MSI2: variants seen among roughly 807,000 people sequenced by gnomAD.
MSI2 encodes RNA-binding protein Musashi homolog 2.
Under a neutral mutation model 45.6 loss-of-function variants are expected in MSI2, and 17 were observed. That is an observed-to-expected ratio of 0.37 (90% CI 0.26 to 0.56). MSI2 has a LOEUF of 0.56. Ranked by LOEUF, MSI2 falls within the 20% of genes least tolerant of loss-of-function variation. MSI2 has a pLI of 0.77. For synonymous variants in MSI2, 156 were observed against 158.2 expected (o/e 0.99, Z 0.11); for missense variants, 293 against 444.2 (o/e 0.66, Z 3.06).
At position 57,443,629 on chromosome 17, in the gene MSI2, G is replaced by C. The variant is rs561822527; in HGVS notation, c.405+42158G>C. Among the ~76,000 whole-genome samples the C allele has an allele frequency of 5.3e-5, 8 of 152,268 alleles. 1 individual carries two copies. Among genetic ancestry groups the C allele is most frequent in the African/African-American group, 2.4e-5 (1 of 41,558 alleles). On this transcript the variant is annotated intron_variant, in intron 6 of 13. Coordinates refer to ENST00000284073, the MANE Select transcript of MSI2 (RefSeq NM_138962.4). ...CGAAGAGCAAGTTAGGGGCTGAGCT[G>C]ACACGTAAAACCCCATCTCCTCCCT...
At chr17:57,436,562 G>A (rs1216839601) in intron 6 of MSI2, among the ~76,000 whole-genome samples, 1 of 152,208 alleles carries the variant, frequency 6.6e-6, no homozygotes, top group Non-Finnish European at 1.5e-5. Context: ...AGTGTTAGAA[G>A]GCATGGGAAA....
intron 5 of MSI2, among the ~76,000 whole-genome samples, chr17:57,319,745 T>C (rs1433794643): frequency 2.6e-5 from 4 of 152,182 alleles, no homozygotes; most frequent in Non-Finnish European, 5.9e-5. Flanking sequence ...CCCTAGTAGC[T>C]GGGACCATAG....
chr17:57,345,172 G>A (rs1050850705), intron 5 of MSI2, among the ~76,000 whole-genome samples: 3 of 152,174 alleles, frequency 2.0e-5, no homozygotes, highest in South Asian at 2.1e-4. Flanking sequence ...TAGTTCAACC[G>A]TGTGTTCCTC....
chr17:57,361,606 CAAA>C (rs34432170), intron 5 of MSI2, among the ~76,000 whole-genome samples: 22 of 71,734 alleles, frequency 3.1e-4, no homozygotes, highest in South Asian at 1.0e-3. Context: ...GACCTTGTCT[CAAA>C]AAAAAAAAAA....
chr17:57,626,911 C>T (rs1908857506), intron 9 of MSI2: 2 of 445,620 alleles, frequency 4.5e-6, no homozygotes, highest in Non-Finnish European at 8.1e-6. Flanking sequence ...AGGGTAAGCT[C>T]TCCAAATGTC....
chr17:57,404,980 A>G (rs2084056516), intron 6 of MSI2, among the ~76,000 whole-genome samples: 1 of 152,064 alleles, frequency 6.6e-6, no homozygotes, highest in South Asian at 2.1e-4. Flanking sequence ...GTTAACAGCT[A>G]ACAGGTTGGC....
chr17:57,434,225 A>G (rs11653026), intron 6 of MSI2, among the ~76,000 whole-genome samples: 33,910 of 151,906 alleles, frequency 0.22, 4,091 homozygotes, highest in South Asian at 0.3. Flanking sequence ...TCAGCCTCAC[A>G]AGTAGCTGGC....
chr17:57,540,664 G>A (rs1469282788), intron 7 of MSI2, among the ~76,000 whole-genome samples: 1 of 152,160 alleles, frequency 6.6e-6, no homozygotes, highest in Non-Finnish European at 1.5e-5. Context: ...TCAGAGGCAG[G>A]GACAGGGGCA....
Position 57,256,661 on chromosome 17 carries a change from G to C in MSI2, c.-82G>C. ...AGGGGGAGGAGGGAGCGGAGATCTC[G>C]GGGCTCGGAGCCGGCCGCCGCTCCG... On this transcript the variant is annotated 5_prime_UTR_variant, in exon 1 of 14. Coordinates refer to ENST00000284073, the MANE Select transcript of MSI2 (RefSeq NM_138962.4). The C allele has an allele frequency of 1.7e-6, 1 of 574,664 alleles. No homozygotes were observed. The highest frequency in any genetic ancestry group is 2.7e-6 in the Non-Finnish European group (1 of 365,974). The allele number at this position is 574,664 out of a possible 1,614,324, so 35.6% of individuals were successfully genotyped here. A position where few individuals can be genotyped will look rare whatever the true frequency, so the allele number is the denominator to read the frequency against.
At chr17:57,654,750 A>ACCTACCTTG (rs1371620298) in intron 11 of MSI2, among the ~76,000 whole-genome samples, 1 of 152,134 alleles carries the variant, frequency 6.6e-6, no homozygotes, top group South Asian at 2.1e-4. Flanking sequence ...TCTGTTGAGT[A>ACCTACCTTG]CCTACCTTGA....
In MSI2 at chr17:57,563,767, C is replaced by T. The variant is rs548746304; in HGVS notation, c.455-33101C>T. 7.3e-5 allele frequency among the ~76,000 whole-genome samples: 11 copies of T among 151,406 alleles called. No individual in the cohort carries two copies. In the South Asian group the frequency reaches 1.9e-3, roughly 26 times the overall value. ...GCGCGCACACACACACACACACACA[C>T]ACACACACACACACACATAGGCCTC... On this transcript the variant is annotated intron_variant, in intron 7 of 13. Coordinates refer to ENST00000284073, the MANE Select transcript of MSI2 (RefSeq NM_138962.4).
intron 7 of MSI2, among the ~76,000 whole-genome samples, chr17:57,564,052 G>T (rs923799976): frequency 6.6e-6 from 1 of 152,160 alleles, no homozygotes; most frequent in Non-Finnish European, 1.5e-5. Flanking sequence ...CCCCCTGCAC[G>T]TGTTTCTCTC....
intron 6 of MSI2, among the ~76,000 whole-genome samples, chr17:57,408,566 AAAG>A (rs2084128134): frequency 6.6e-6 from 1 of 152,212 alleles, no homozygotes; most frequent in South Asian, 2.1e-4. Context: ...CCTTGGGCAC[AAAG>A]GAGTTAATGA....
chr17:57,602,216 T>A (rs2144491551), intron 8 of MSI2, among the ~76,000 whole-genome samples: 1 of 151,424 alleles, frequency 6.6e-6, no homozygotes, highest in South Asian at 2.1e-4. Flanking sequence ...TTTTTTTAAT[T>A]TTTTTTTTTA....
At chr17:57,615,124 ATTTT>A (rs35618682) in intron 8 of MSI2, among the ~76,000 whole-genome samples, 4 of 132,628 alleles carry the variant, frequency 3.0e-5, no homozygotes, top group Non-Finnish European at 3.2e-5. Context: ...TTGCACAAGA[ATTTT>A]TTTTTTTTTT....
At chr17:57,557,382 A>G (rs1006036985) in intron 7 of MSI2, among the ~76,000 whole-genome samples, 13 of 152,226 alleles carry the variant, frequency 8.5e-5, no homozygotes, top group Admixed American at 8.5e-4. Context: ...AGACATCATG[A>G]TGGAGTCTTC....
intron 6 of MSI2, among the ~76,000 whole-genome samples, chr17:57,401,856 T>G (rs2083998047): frequency 6.6e-6 from 1 of 152,164 alleles, no homozygotes; most frequent in South Asian, 2.1e-4. Flanking sequence ...TTCTCCCTTC[T>G]GTGCCTGTTT....
rs56293162 is a variant in MSI2, at chr17:57,454,305, G to A, written c.405+52834G>A. Among the ~76,000 whole-genome samples, 1,258 of 152,294 alleles carry A rather than the reference G, an allele frequency of 8.3e-3. 12 individuals are homozygous for A. The highest frequency in any genetic ancestry group is 0.011 in the Non-Finnish European group (764 of 68,026). ...AATGGTGCTGGTGTCCAATGAACGT[G>A]TGCTTCCATATACTGTTCTGAAGGG... is the stretch of plus-strand genomic sequence containing the variant. On this transcript the variant is annotated intron_variant, in intron 6 of 13. Coordinates refer to ENST00000284073, the MANE Select transcript of MSI2 (RefSeq NM_138962.4).
chr17:57,403,341 T>C (rs576272491), intron 6 of MSI2, among the ~76,000 whole-genome samples: 14 of 152,358 alleles, frequency 9.2e-5, no homozygotes, highest in African/African-American at 3.1e-4. Context: ...TTAACACTTA[T>C]CATTGTGACC....
Sources: gnomAD v4.1 joint callset for allele counts (sites outside exome capture counted in the v4.1 genomes callset) on GRCh38, gnomAD v4.1.1 for gene constraint, MANE v1.5 for transcripts, NCBI Gene and HGNC (gene_info 2026-07-23, HGNC 2026-07-21) for gene names.